Variants in BOC observed in about 807,000 individuals in gnomAD.
BOC encodes BOC cell adhesion associated, oncogene regulated, also known as brother of CDO.
In BOC, 76 loss-of-function variants were observed where a neutral mutation model predicts 112.0. That is an observed-to-expected ratio of 0.68 (90% CI 0.56 to 0.82). The LOEUF is 0.82. Among genes scored for constraint, BOC ranks in the 40% least tolerant of loss-of-function variants. BOC has a pLI of 0.00. For missense variants in BOC, 1,309 were observed against 1,511.7 expected, an observed-to-expected ratio of 0.87 and a Z score of 2.22; for synonymous variants, 580 against 599.8, an observed-to-expected ratio of 0.97 and a Z score of 0.48.
Position 113,278,873 on chromosome 3 carries a change from G to A in BOC, c.1816+90G>A. On this transcript the variant is annotated intron_variant, in intron 11 of 19. Transcript: ENST00000682979. This position sits in a 1 kb window ranked among gnomAD's most constrained non-coding sequence, Gnocchi z 4.2. Reference sequence around the variant, plus strand: ...CATGGCTGAATGGGGTCTTGCTTCTGTAGGTCCAGGGTTTTTATGACATCT... The same window carrying A: ...CATGGCTGAATGGGGTCTTGCTTCTATAGGTCCAGGGTTTTTATGACATCT... 8.8e-7 allele frequency: 1 copy of A among 1,132,260 alleles called. No individual in the cohort carries two copies. Among genetic ancestry groups the A allele is most frequent in the South Asian group, 1.4e-5 (1 of 73,280 alleles). 70.1% of individuals were successfully genotyped at this position (1,132,260 alleles called of 1,614,324 possible). A position where few individuals can be genotyped will look rare whatever the true frequency, so the allele number is the denominator to read the frequency against.
At chr3:113,231,057 A>G (rs763647299) in intron 2 of BOC, among the ~76,000 whole-genome samples, 11 of 152,230 alleles carry the variant, frequency 7.2e-5, no homozygotes, top group Non-Finnish European at 1.5e-4. Context: ...GAGATTAAGG[A>G]ATATGGACAT....
chr3:113,259,257 T>C (rs546127147), intron 4 of BOC, among the ~76,000 whole-genome samples: 5 of 152,336 alleles, frequency 3.3e-5, no homozygotes, highest in South Asian at 2.1e-4. Flanking sequence ...ACTCCACCCT[T>C]GTCCTCAATT....
chr3:113,280,074 G>C, intron 13 of BOC, 69 bp downstream of exon 13: 1 of 1,464,090 alleles, frequency 6.8e-7, no homozygotes, highest in Non-Finnish European at 9.2e-7. Context: ...TGTGAGCCTG[G>C]GGATTAGACT....
chr3:113,243,741 A>G (rs1014347049), intron 2 of BOC, among the ~76,000 whole-genome samples: 1 of 152,138 alleles, frequency 6.6e-6, no homozygotes, highest in Non-Finnish European at 1.5e-5. Context: ...TTGCTTGTAC[A>G]TACCTCAAGA....
chr3:113,284,809 C>A lies in BOC; in HGVS notation c.2917C>A (p.Gln973Lys). Residue 973 changes from glutamine to lysine, a missense_variant, in exon 18 of 20, where the codon CAG (glutamine) becomes AAG (lysine). Coordinates refer to ENST00000682979, the MANE Select transcript of BOC (RefSeq NM_001378074.1). ...GAGTGACACCAGCAGCCTGCTGAGG[C>A]AGACCCATCTTGGCAATGGATATGA... Reference protein sequence around the residue: ...QQSDTSSLLRQTHLGNGYDPQ... With the variant: ...QQSDTSSLLRKTHLGNGYDPQ... 6.2e-7 allele frequency: 1 copy of A among 1,614,224 alleles called. No individual in the cohort carries two copies. The highest frequency in any genetic ancestry group is 1.1e-5 in the South Asian group (1 of 91,088).
chr3:113,279,769 G>A (rs987998971), intron 12 of BOC, 55 bp from the exon 13 acceptor site: 77 of 1,531,052 alleles, frequency 5.0e-5, no homozygotes, highest in Non-Finnish European at 6.5e-5. Flanking sequence ...AAGGCCATGG[G>A]AGAATCAGAA....
At chr3:113,223,349 A>G (rs1244867588) in intron 2 of BOC, among the ~76,000 whole-genome samples, 1 of 152,108 alleles carries the variant, frequency 6.6e-6, no homozygotes, top group African/African-American at 2.4e-5. Context: ...TGTCGTTCCA[A>G]TTTCCCCCAA....
chr3:113,219,058 G>C (rs1203985327), intron 2 of BOC, among the ~76,000 whole-genome samples: 1 of 152,248 alleles, frequency 6.6e-6, no homozygotes, highest in Non-Finnish European at 1.5e-5. Context: ...TTGTGATGGG[G>C]TTAATGTGTG....
chr3:113,217,799 G>C (rs1219069533), intron 2 of BOC, among the ~76,000 whole-genome samples: 3 of 152,092 alleles, frequency 2.0e-5, no homozygotes, highest in African/African-American at 7.2e-5. Context: ...TTAAAACCTG[G>C]TATCAGCATT....
chr3:113,285,042 T>C (rs1003149079), intron 18 of BOC, among the ~76,000 whole-genome samples, 184 bp downstream of exon 18: 3 of 152,266 alleles, frequency 2.0e-5, no homozygotes, highest in Non-Finnish European at 4.4e-5. Context: ...GCAATTGCGA[T>C]GCCCTTTCTG....
intron 4 of BOC, among the ~76,000 whole-genome samples, chr3:113,257,856 C>T (rs1946400413): frequency 6.6e-6 from 1 of 152,188 alleles, no homozygotes; most frequent in South Asian, 2.1e-4. Context: ...CACTCATTCT[C>T]CAGTGCTGAC....
At chr3:113,249,208 C>T (rs901027647) in intron 2 of BOC, among the ~76,000 whole-genome samples, 4 of 152,174 alleles carry the variant, frequency 2.6e-5, no homozygotes, top group African/African-American at 4.8e-5. Flanking sequence ...AGGATTCATT[C>T]ACTTAGTAGC....
At chr3:113,234,529 G>T (rs987163377) in intron 2 of BOC, among the ~76,000 whole-genome samples, 4 of 152,104 alleles carry the variant, frequency 2.6e-5, no homozygotes, top group African/African-American at 9.7e-5. Flanking sequence ...TTTCAATTTT[G>T]GTATAATAGA....
At chr3:113,214,819 G>A (rs1033898444) in intron 1 of BOC, among the ~76,000 whole-genome samples, 10 of 152,156 alleles carry the variant, frequency 6.6e-5, no homozygotes, top group Non-Finnish European at 1.3e-4. Flanking sequence ...AGTGCATCAG[G>A]CACCAGGCTG....
At chr3:113,281,941 C>T (rs1019235107) in intron 15 of BOC, among the ~76,000 whole-genome samples, 25 of 152,172 alleles carry the variant, frequency 1.6e-4, no homozygotes, top group African/African-American at 5.8e-4. Flanking sequence ...ACATGCACAG[C>T]CCAGAATCCT....
chr3:113,236,577 T>C (rs1325317961), intron 2 of BOC, among the ~76,000 whole-genome samples: 12 of 151,960 alleles, frequency 7.9e-5, no homozygotes, highest in African/African-American at 2.9e-4. Flanking sequence ...ATGTACACTA[T>C]TGGGTGATGT....
chr3:113,229,793 T>C (rs1401606828), intron 2 of BOC, among the ~76,000 whole-genome samples: 2 of 152,190 alleles, frequency 1.3e-5, no homozygotes, highest in Admixed American at 6.5e-5. Flanking sequence ...TTATGCAAAG[T>C]GTTCAATTTC....
intron 4 of BOC, among the ~76,000 whole-genome samples, chr3:113,267,182 T>C (rs1161775527): frequency 2.6e-5 from 4 of 152,214 alleles, no homozygotes; most frequent in African/African-American, 7.2e-5. Flanking sequence ...ATCTGTCTTA[T>C]ACTCCATTAG....
intron 2 of BOC, among the ~76,000 whole-genome samples, chr3:113,224,141 C>T (rs993658146): frequency 1.3e-5 from 2 of 152,210 alleles, no homozygotes; most frequent in African/African-American, 2.4e-5. Context: ...GGGCAGGCAG[C>T]GCTCTTGCAC....
Sources: allele counts gnomAD v4.1 joint callset (sites outside exome capture counted in the v4.1 genomes callset), GRCh38; gene constraint gnomAD v4.1.1; non-coding constraint Gnocchi (gnomAD v3.1); transcripts MANE v1.5; gene names NCBI Gene and HGNC (gene_info 2026-07-23, HGNC 2026-07-21).